TBC1D15: variants seen among roughly 807,000 people sequenced by gnomAD.
TBC1D15 encodes the protein GAP for RAB7.
Under a neutral mutation model 95.4 loss-of-function variants are expected in TBC1D15, and 39 were observed. The observed-to-expected ratio is 0.41, with a 90% CI of 0.32 to 0.53. The LOEUF is 0.53. Among genes scored for constraint, TBC1D15 ranks in the 20% least tolerant of loss-of-function variants. The pLI, the probability that TBC1D15 is intolerant of heterozygous loss-of-function variation, is 0.29. For synonymous variants in TBC1D15, 258 were observed against 261.3 expected (o/e 0.99, Z 0.12); for missense variants, 733 against 794.3 (o/e 0.92, Z 0.93).
intron 1 of TBC1D15, among the ~76,000 whole-genome samples, chr12:71,868,651 G>T (rs1340873075): frequency 6.6e-6 from 1 of 152,142 alleles, no homozygotes; most frequent in Non-Finnish European, 1.5e-5. Context: ...AAAAAAATAG[G>T]CAACACTTAA....
At chr12:71,905,045 C>T (rs530991696) in intron 10 of TBC1D15, among the ~76,000 whole-genome samples, 22 of 152,180 alleles carry the variant, frequency 1.4e-4, no homozygotes, top group African/African-American at 5.3e-4. Flanking sequence ...CTGAAGTACT[C>T]CTTTTCAGAA....
At chr12:71,910,200 T>C (rs933924009) in intron 11 of TBC1D15, among the ~76,000 whole-genome samples, 10 of 152,028 alleles carry the variant, frequency 6.6e-5, no homozygotes, top group African/African-American at 2.4e-4. Flanking sequence ...CTGAGGGCTC[T>C]GTTCTGTTCC....
At chr12:71,889,604 A>T (rs1896866649) in intron 5 of TBC1D15, among the ~76,000 whole-genome samples, 1 of 152,232 alleles carries the variant, frequency 6.6e-6, no homozygotes, top group African/African-American at 2.4e-5. Context: ...TCCCAAATTT[A>T]TATAAGCCAT....
intron 14 of TBC1D15, among the ~76,000 whole-genome samples, chr12:71,919,363 T>C (rs567910128): frequency 6.6e-6 from 1 of 152,202 alleles, no homozygotes; most frequent in South Asian, 2.1e-4. Context: ...TGCTTGTTCA[T>C]AGAATGCTGG....
intron 11 of TBC1D15, 167 bp downstream of exon 11, chr12:71,907,305 C>CT: frequency 2.3e-6 from 1 of 425,948 alleles, no homozygotes; most frequent in Non-Finnish European, 4.2e-6. Flanking sequence ...AACCAAGGAG[C>CT]CCTGGGTTGC....
At chr12:71,855,195 A>C (rs1888752957) in intron 1 of TBC1D15, among the ~76,000 whole-genome samples, 1 of 152,086 alleles carries the variant, frequency 6.6e-6, no homozygotes, top group Non-Finnish European at 1.5e-5. Flanking sequence ...CTCCCTCACT[A>C]TCCTGAGAAC....
At chr12:71,863,293 G>T (rs1360379775) in intron 1 of TBC1D15, among the ~76,000 whole-genome samples, 6 of 152,070 alleles carry the variant, frequency 3.9e-5, no homozygotes, top group Non-Finnish European at 8.8e-5. Context: ...CAGGAGAATG[G>T]CATGAACCTG....
intron 10 of TBC1D15, among the ~76,000 whole-genome samples, chr12:71,902,766 T>G (rs898815507): frequency 6.6e-6 from 1 of 152,102 alleles, no homozygotes; most frequent in African/African-American, 2.4e-5. Flanking sequence ...CAAAAGAAAC[T>G]ATCAATCAAC....
chr12:71,917,047 A>C (rs1239365209), intron 12 of TBC1D15, among the ~76,000 whole-genome samples: 1 of 152,174 alleles, frequency 6.6e-6, no homozygotes, highest in Admixed American at 6.5e-5. Context: ...TTTCCTAATG[A>C]AAAATTTACC....
chr12:71,877,159 A>G (rs551751710), intron 3 of TBC1D15, among the ~76,000 whole-genome samples: 3 of 146,840 alleles, frequency 2.0e-5, no homozygotes, highest in African/African-American at 5.0e-5. Flanking sequence ...ATTGATGTTA[A>G]GTCTAATGCA....
intron 5 of TBC1D15, among the ~76,000 whole-genome samples, 168 bp from the exon 6 acceptor site, chr12:71,893,054 A>G (rs1053716897): frequency 1.3e-5 from 2 of 149,938 alleles, no homozygotes; most frequent in African/African-American, 4.9e-5. Context: ...GTAGTTTTGA[A>G]GCTCCTTTAA....
chr12:71,921,544 A>G (rs1869344638), intron 16 of TBC1D15, 90 bp downstream of exon 16: 3 of 737,498 alleles, frequency 4.1e-6, no homozygotes, highest in Non-Finnish European at 6.2e-6. Context: ...TAAAATAGCA[A>G]CTTTAGTAAG....
chr12:71,896,010 A>G lies in TBC1D15; in HGVS notation c.919A>G (p.Lys307Glu). The part of the protein sequence containing the change: ...REPVSLEEWT[K>E]NIDSEGRILN... ...ACCGGTATCACTGGAAGAATGGACT[A>G]AGAACATTGATTCTGAAGGAAGAAT... Residue 307 changes from lysine to glutamate, a missense_variant, in exon 8 of 17, where the codon AAG (lysine) becomes GAG (glutamate). By Grantham distance (56) the Lys-to-Glu change is moderately conservative. Coordinates refer to ENST00000485960, the MANE Select transcript of TBC1D15 (RefSeq NM_001146213.3). 6.2e-7 allele frequency: 1 copy of G among 1,612,678 alleles called. No homozygotes were observed. Among genetic ancestry groups the G allele is most frequent in the Non-Finnish European group, 8.5e-7 (1 of 1,178,934 alleles).
chr12:71,875,190 T>C (rs1363609068), intron 3 of TBC1D15, among the ~76,000 whole-genome samples: 1 of 152,032 alleles, frequency 6.6e-6, no homozygotes, highest in East Asian at 1.9e-4. Flanking sequence ...CTGCCCGCCT[T>C]GGCCTCCCAA....
intron 1 of TBC1D15, among the ~76,000 whole-genome samples, chr12:71,868,031 ATT>A (rs1203483499): frequency 6.6e-6 from 1 of 152,158 alleles, no homozygotes; most frequent in East Asian, 1.9e-4. Flanking sequence ...AAATTAATAA[ATT>A]TATTAATTTT....
intron 11 of TBC1D15, among the ~76,000 whole-genome samples, chr12:71,908,919 C>T (rs1901486163): frequency 6.6e-6 from 1 of 152,162 alleles, no homozygotes; most frequent in African/African-American, 2.4e-5. Flanking sequence ...ACCTCTACAC[C>T]TTCAGCGCTT....
In TBC1D15 at chr12:71,917,802, G is replaced by GGTGGC; in HGVS notation, c.1501+5_1501+6insGTGGC. 1 of 1,587,412 alleles carries GGTGGC rather than the reference G, an allele frequency of 6.3e-7. No individual in the cohort carries two copies. Among genetic ancestry groups the GGTGGC allele is most frequent in the Non-Finnish European group, 8.6e-7 (1 of 1,156,522 alleles). ...GTGGATTTTGCAGTTACTTAGGTAA[G>GGTGGC]TTTAGTGAATCAGAACTATACCCAG... On this transcript the variant is annotated splice_donor_region_variant and intron_variant, in intron 13 of 16. Coordinates refer to ENST00000485960, the MANE Select transcript of TBC1D15 (RefSeq NM_001146213.3).
intron 10 of TBC1D15, among the ~76,000 whole-genome samples, chr12:71,906,394 T>A (rs1398667739): frequency 6.6e-6 from 1 of 152,220 alleles, no homozygotes; most frequent in Non-Finnish European, 1.5e-5. Flanking sequence ...TGTTTGTGAA[T>A]TGAATTGTCG....
At chr12:71,859,493 A>C (rs1199048210) in intron 1 of TBC1D15, among the ~76,000 whole-genome samples, 2 of 150,932 alleles carry the variant, frequency 1.3e-5, no homozygotes, top group Non-Finnish European at 2.9e-5. Context: ...GTGCTTTTGC[A>C]TTCTTCTCTG....
Sources: gnomAD v4.1 joint callset for allele counts (sites outside exome capture counted in the v4.1 genomes callset) on GRCh38, gnomAD v4.1.1 for gene constraint, MANE v1.5 for transcripts, NCBI Gene and HGNC (gene_info 2026-07-23, HGNC 2026-07-21) for gene names.